Variants in KIFC3 observed in about 807,000 individuals in gnomAD.
KIFC3 encodes the protein kinesin-like protein KIFC3.
KIFC3 carries 60 observed loss-of-function variants against 101.8 expected under a neutral mutation model. That is an observed-to-expected ratio of 0.59 (90% CI 0.48 to 0.73). The LOEUF (loss-of-function observed/expected upper bound fraction) is 0.73. KIFC3 is among the 30% of genes least tolerant of loss of function. The pLI is 0.00. For synonymous variants in KIFC3, 476 were observed against 482.7 expected, an observed-to-expected ratio of 0.99 and a Z score of 0.18; for missense variants, 966 against 1,137.1, an observed-to-expected ratio of 0.85 and a Z score of 2.16.
Position 57,760,898 on chromosome 16 carries a change from T to C in KIFC3, c.2060A>G (p.Glu687Gly). Residue 687 changes from glutamate to glycine, a missense_variant, in exon 16 of 20, where the codon GAG becomes GGG. Glu to Gly is a moderately conservative substitution (Grantham distance 98, BLOSUM62 -2). Transcript: ENST00000445690. ...CTGCGCCTCCCGCAGGCGGCTGCCC[T>C]CGGCCCCCGACTTGCCCACGCGCTC... ...GSERVGKSGA[E>G]GSRLREAQHI... 8.7e-6 allele frequency: 14 copies of C among 1,609,854 alleles called. No individual in the cohort carries two copies. The highest frequency in any genetic ancestry group is 1.2e-5 in the Non-Finnish European group (14 of 1,179,508).
At chr16:57,760,452 AGCTGGAGGGG>A (rs781802665) in intron 16 of KIFC3, 36 bp from the exon 17 acceptor site, 1 of 1,601,064 alleles carries the variant, frequency 6.2e-7, no homozygotes, top group Non-Finnish European at 8.5e-7. Context: ...CACCCGGGCC[AGCTGGAGGGG>A]CAACAGGGTC....
At chr16:57,781,843 G>A in intron 3 of KIFC3, 1 of 782,960 alleles carries the variant, frequency 1.3e-6, no homozygotes, top group Non-Finnish European at 1.6e-6. Flanking sequence ...ACTTACTTGA[G>A]GTCACCTGAC....
chr16:57,806,518 G>C (rs1238391503), upstream of KIFC3, among the ~76,000 whole-genome samples: 4 of 152,126 alleles, frequency 2.6e-5, no homozygotes, highest in African/African-American at 9.7e-5. Flanking sequence ...TTCGTTACTT[G>C]ATCACAGGGA....
At chr16:57,860,025 A>AATAAAATAAAATAAAATAAT (rs1276351486) in intron 1 of KIFC3, among the ~76,000 whole-genome samples, 15 of 53,234 alleles carry the variant, frequency 2.8e-4, no homozygotes, top group South Asian at 1.2e-3. Flanking sequence ...CTGTCTCAAA[A>AATAAAATAAAATAAAATAAT]ATAAAATAAA....
chr16:57,765,856 T>G (rs897442820), intron 10 of KIFC3: 4 of 490,684 alleles, frequency 8.2e-6, no homozygotes, highest in African/African-American at 5.9e-5. Context: ...ACCAGTTGAC[T>G]GGGGTGGAGC....
chr16:57,848,566 T>C (rs2055986474), intron 1 of KIFC3, among the ~76,000 whole-genome samples: 1 of 152,206 alleles, frequency 6.6e-6, no homozygotes, highest in Admixed American at 6.6e-5. Context: ...AATTTGAGGC[T>C]GCAGTGAGCT....
chr16:57,786,911 C>A (rs1306016703), intron 3 of KIFC3, among the ~76,000 whole-genome samples: 4 of 152,196 alleles, frequency 2.6e-5, no homozygotes, highest in Non-Finnish European at 5.9e-5. Context: ...CCCCCCAACC[C>A]GCTCTAGGAG....
chr16:57,818,726 C>T (rs1472801767), intron 1 of KIFC3, among the ~76,000 whole-genome samples: 8 of 152,154 alleles, frequency 5.3e-5, no homozygotes, highest in African/African-American at 1.7e-4. Flanking sequence ...ATGGAGACCT[C>T]GTGGGAACGT....
At chr16:57,776,798 T>C (rs1241749894) in intron 3 of KIFC3, 2 of 152,218 alleles carry the variant, frequency 1.3e-5, no homozygotes, top group African/African-American at 4.8e-5. Context: ...TGCTAAAGGA[T>C]GGTCACCTCC....
intron 1 of KIFC3, among the ~76,000 whole-genome samples, chr16:57,830,817 C>T (rs1317754357): frequency 6.6e-6 from 1 of 152,014 alleles, no homozygotes; most frequent in Admixed American, 6.5e-5. Context: ...CCAACATTCC[C>T]GGGGCCTTGA....
At chr16:57,800,604 A>G (rs1396990013) in intron 1 of KIFC3, among the ~76,000 whole-genome samples, 1 of 152,218 alleles carries the variant, frequency 6.6e-6, no homozygotes, top group Non-Finnish European at 1.5e-5. Context: ...AGATCAGCTC[A>G]GCTCAGTCTG....
intron 3 of KIFC3, among the ~76,000 whole-genome samples, chr16:57,783,013 T>A (rs782595835): frequency 5.9e-5 from 9 of 152,182 alleles, no homozygotes; most frequent in South Asian, 2.1e-4. Flanking sequence ...CATTCTGAAT[T>A]CCTAAGTCAC....
intron 2 of KIFC3, among the ~76,000 whole-genome samples, 197 bp from the exon 3 acceptor site, chr16:57,795,338 C>T (rs886472147): frequency 2.0e-5 from 3 of 152,298 alleles, no homozygotes; most frequent in East Asian, 1.9e-4. Flanking sequence ...GCAGTGGCTA[C>T]GCTCCTTCCT....
intron 10 of KIFC3, among the ~76,000 whole-genome samples, chr16:57,766,591 G>A (rs1246974469): frequency 2.6e-5 from 4 of 152,168 alleles, no homozygotes; most frequent in East Asian, 3.9e-4. Flanking sequence ...ACCCAATGCT[G>A]CAACACCACA....
Position 57,769,121 on chromosome 16 carries a change from C to T in KIFC3, c.1218+474G>A, listed in dbSNP as rs1314645733. Reference sequence around the variant, plus strand: ...TGATCTTGGTTCACCGCAACCTCCGCCTTCTGGGTTCAAGTGATTCTCCTG... The same window carrying T: ...TGATCTTGGTTCACCGCAACCTCCGTCTTCTGGGTTCAAGTGATTCTCCTG... On this transcript the variant is annotated intron_variant, in intron 9 of 19. Transcript: ENST00000445690. The surrounding 1 kb of genome is among the most constrained non-coding windows in gnomAD (Gnocchi z 4.3). Among the ~76,000 whole-genome samples the T allele has an allele frequency of 6.6e-6, 1 of 152,194 alleles. No homozygotes were observed. Among genetic ancestry groups the T allele is most frequent in the Non-Finnish European group, 1.5e-5 (1 of 68,034 alleles).
chr16:57,781,796 A>G, intron 3 of KIFC3: 1 of 269,890 alleles, frequency 3.7e-6, no homozygotes, highest in Non-Finnish European at 5.7e-6. Context: ...ACAGGAAGAA[A>G]AACTGAGCTC....
intron 1 of KIFC3, among the ~76,000 whole-genome samples, chr16:57,809,906 C>G (rs542792397): frequency 6.6e-6 from 1 of 152,144 alleles, no homozygotes; most frequent in Non-Finnish European, 1.5e-5. Flanking sequence ...ACCAGAGGGG[C>G]GTATCTGGTT....
At chr16:57,784,205 C>G (rs922810767) in intron 3 of KIFC3, among the ~76,000 whole-genome samples, 1 of 152,204 alleles carries the variant, frequency 6.6e-6, no homozygotes, top group Admixed American at 6.5e-5. Context: ...ACAAAAGGGG[C>G]GTGCACAAAT....
intron 11 of KIFC3, 123 bp downstream of exon 11, chr16:57,765,336 C>T: frequency 1.0e-6 from 1 of 986,088 alleles, no homozygotes; most frequent in Non-Finnish European, 1.5e-6. Context: ...ACCCTGGCTC[C>T]CCACTTCTGA....
Sources: gnomAD v4.1 joint callset for allele counts (sites outside exome capture counted in the v4.1 genomes callset) on GRCh38, gnomAD v4.1.1 for gene constraint, Gnocchi (gnomAD v3.1) non-coding constraint, MANE v1.5 for transcripts, NCBI Gene and HGNC (gene_info 2026-07-23, HGNC 2026-07-21) for gene names.